TTC28: variants seen among roughly 807,000 people sequenced by gnomAD.
TTC28 encodes tetratricopeptide repeat protein 28.
In TTC28, 61 loss-of-function variants were observed where a neutral mutation model predicts 198.0. The ratio of observed to expected loss-of-function variants is 0.31; its 90% CI spans 0.25 to 0.38. The LOEUF (loss-of-function observed/expected upper bound fraction) is 0.38, where lower values mean the gene tolerates loss of function less well. Among genes scored for constraint, TTC28 ranks in the 10% least tolerant of loss-of-function variants. TTC28 has a pLI of 1.00. For missense variants in TTC28, 2,678 were observed against 3,164.0 expected (o/e 0.85, Z 3.69); for synonymous variants, 1,171 against 1,297.8 (o/e 0.90, Z 2.10).
Position 28,421,617 on chromosome 22 carries a change from C to T in TTC28, c.382-114974G>A, listed in dbSNP as rs73439836. Among the ~76,000 whole-genome samples the T allele has an allele frequency of 1.9e-3, 292 of 152,188 alleles. 1 individual carries two copies. Among genetic ancestry groups the T allele is most frequent in the African/African-American group, 6.4e-3 (264 of 41,522 alleles). ...GATGAAATTTTGTGACTGTTTAAGA[C>T]ATTTAACAAAATGTCAATAACTGCT... is the stretch of plus-strand genomic sequence containing the variant. On this transcript the variant is annotated intron_variant, in intron 2 of 22. Transcript: ENST00000397906.
chr22:28,620,091 C>T (rs924415847), intron 2 of TTC28, among the ~76,000 whole-genome samples: 4 of 152,168 alleles, frequency 2.6e-5, no homozygotes, highest in Non-Finnish European at 5.9e-5. Context: ...GTGGCTCACG[C>T]CTGTAATCCC....
rs998023219 is a variant in TTC28, at chr22:28,365,963, T to C, written c.382-59320A>G. On this transcript the variant is annotated intron_variant, in intron 2 of 22. Coordinates refer to ENST00000397906, the MANE Select transcript of TTC28 (RefSeq NM_001145418.2). Reference sequence around the variant, plus strand: ...TGCTTAAAACCAACACAAAATATGGTACATGTCAAATATTTATTAAACATC... The same window carrying C: ...TGCTTAAAACCAACACAAAATATGGCACATGTCAAATATTTATTAAACATC... Among the ~76,000 whole-genome samples the C allele has an allele frequency of 3.9e-5, 6 of 152,208 alleles. 1 individual carries two copies. Among genetic ancestry groups the C allele is most frequent in the Non-Finnish European group, 8.8e-5 (6 of 68,026 alleles).
At chr22:28,008,176 T>A (rs1347936229) in intron 14 of TTC28, 1 of 152,220 alleles carries the variant, frequency 6.6e-6, no homozygotes, top group Non-Finnish European at 1.5e-5. Context: ...GGCCGACTTA[T>A]CCTGCTACCT....
chr22:28,362,087 A>G (rs1264248540), intron 2 of TTC28, among the ~76,000 whole-genome samples: 4 of 152,204 alleles, frequency 2.6e-5, no homozygotes, highest in Non-Finnish European at 5.9e-5. Context: ...ATACATTCTG[A>G]AGCCCACAAA....
In TTC28 at chr22:28,057,886, C is replaced by G. The variant is rs375774013; in HGVS notation, c.3933-27520G>C. On this transcript the variant is annotated intron_variant, in intron 12 of 22. Coordinates refer to ENST00000397906, the MANE Select transcript of TTC28 (RefSeq NM_001145418.2). ...CATTGTATTGTTTTGGTATCTCTGT[C>G]AAAAATCAAATGACCATATGAGTGT... Among the ~76,000 whole-genome samples, 82 of 152,044 alleles carry G rather than the reference C, an allele frequency of 5.4e-4. No homozygotes were observed. The South Asian group carries it at 0.015, about 28-fold the overall frequency.
At chr22:28,218,065 T>C (rs977837989) in intron 5 of TTC28, among the ~76,000 whole-genome samples, 1 of 152,246 alleles carries the variant, frequency 6.6e-6, no homozygotes, top group African/African-American at 2.4e-5. Flanking sequence ...GGAAAATAGA[T>C]GATGTGAATA....
At chr22:28,493,690 T>C (rs568425177) in intron 2 of TTC28, among the ~76,000 whole-genome samples, 2 of 152,306 alleles carry the variant, frequency 1.3e-5, no homozygotes, top group African/African-American at 2.4e-5. Context: ...AGTACAACAA[T>C]ACTTCTGAGA....
chr22:28,487,519 T>C (rs547244334), intron 2 of TTC28, among the ~76,000 whole-genome samples: 1 of 152,294 alleles, frequency 6.6e-6, no homozygotes, highest in South Asian at 2.1e-4. Context: ...TTTCATTAGC[T>C]GTACAAAATC....
chr22:28,088,238 C>T (rs1601605587), intron 12 of TTC28, among the ~76,000 whole-genome samples: 1 of 152,136 alleles, frequency 6.6e-6, no homozygotes, highest in African/African-American at 2.4e-5. Flanking sequence ...AAGCTGGAGG[C>T]ATCACGCTAC....
intron 2 of TTC28, among the ~76,000 whole-genome samples, chr22:28,490,523 G>A (rs537189146): frequency 3.7e-4 from 57 of 152,252 alleles, no homozygotes; most frequent in African/African-American, 1.3e-3. Context: ...ACAAGCCTAC[G>A]ACGTGCCCAG....
chr22:28,022,971 C>A (rs991723247), intron 13 of TTC28, among the ~76,000 whole-genome samples: 3 of 152,212 alleles, frequency 2.0e-5, no homozygotes, highest in African/African-American at 7.2e-5. Context: ...CTGTTCCCCT[C>A]CTTAATTGCC....
chr22:28,387,261 G>C (rs1243583505), intron 2 of TTC28, among the ~76,000 whole-genome samples: 1 of 152,302 alleles, frequency 6.6e-6, no homozygotes, highest in East Asian at 1.9e-4. Flanking sequence ...CATTTGGGTT[G>C]GTTCCAAGTC....
At chr22:28,059,316 A>G (rs778640967) in intron 12 of TTC28, among the ~76,000 whole-genome samples, 7 of 151,870 alleles carry the variant, frequency 4.6e-5, no homozygotes, top group African/African-American at 7.3e-5. Flanking sequence ...TTAGAAATAC[A>G]TTTAAATTTC....
At chr22:28,403,558 G>A (rs1166347396) in intron 2 of TTC28, among the ~76,000 whole-genome samples, 1 of 152,160 alleles carries the variant, frequency 6.6e-6, no homozygotes, top group Non-Finnish European at 1.5e-5. Flanking sequence ...TTAGCCTGAT[G>A]TCTCCATGAA....
intron 2 of TTC28, among the ~76,000 whole-genome samples, chr22:28,425,057 C>A (rs956073954): frequency 6.6e-6 from 1 of 152,180 alleles, no homozygotes; most frequent in Non-Finnish European, 1.5e-5. Flanking sequence ...AGATCCAATC[C>A]TTTGTTTCTA....
chr22:28,175,023 T>TC lies in TTC28; in HGVS notation c.934-11425_934-11424insG, dbSNP rs1170283542. Among the ~76,000 whole-genome samples the TC allele has an allele frequency of 1.1e-3, 146 of 138,156 alleles. 1 individual carries two copies. The highest frequency in any genetic ancestry group is 3.6e-3 in the African/African-American group (138 of 38,308). 90.6% of individuals were successfully genotyped at this position (138,156 alleles called of 152,430 possible). On this transcript the variant is annotated intron_variant, in intron 5 of 22. Transcript: ENST00000397906. ...TGCATTGGAAAATAAGGTAGTCTCT[T>TC]AAAAAAAAAAAAAAAGGACTGGGAA...
chr22:28,166,738 T>C (rs1054632472), intron 5 of TTC28, among the ~76,000 whole-genome samples: 2 of 152,174 alleles, frequency 1.3e-5, no homozygotes, highest in Non-Finnish European at 1.5e-5. Context: ...CTAAAATTGA[T>C]ACCCTAACAT....
intron 12 of TTC28, among the ~76,000 whole-genome samples, chr22:28,084,465 G>A (rs9625401): frequency 0.013 from 1,972 of 152,236 alleles, 40 homozygotes; most frequent in African/African-American, 0.045. Flanking sequence ...CTGTTAGAAG[G>A]AAAACTAACA....
At chr22:28,203,765 A>G (rs1423850367) in intron 5 of TTC28, among the ~76,000 whole-genome samples, 1 of 152,134 alleles carries the variant, frequency 6.6e-6, no homozygotes, top group African/African-American at 2.4e-5. Flanking sequence ...CCATAAATTT[A>G]TTAAGTGTTC....
Sources: gnomAD v4.1 joint callset for allele counts (sites outside exome capture counted in the v4.1 genomes callset) on GRCh38, gnomAD v4.1.1 for gene constraint, MANE v1.5 for transcripts, NCBI Gene and HGNC (gene_info 2026-07-23, HGNC 2026-07-21) for gene names.